Variants in KCNMB3 observed in about 807,000 individuals in gnomAD.
KCNMB3 encodes calcium-activated potassium channel subunit beta-3.
A neutral mutation model predicts 11.9 loss-of-function variants in KCNMB3; 18 were observed. That is an observed-to-expected ratio of 1.51 (90% CI 1.04 to 2.23). The LOEUF (loss-of-function observed/expected upper bound fraction) is 2.23, where lower values mean the gene tolerates loss of function less well. Among genes scored for constraint, KCNMB3 ranks in the 30% most tolerant of loss-of-function variants. KCNMB3 has a pLI of 0.00. For missense variants in KCNMB3, 247 were observed against 329.4 expected, an observed-to-expected ratio of 0.75 and a Z score of 1.94; for synonymous variants, 78 against 119.2, an observed-to-expected ratio of 0.65 and a Z score of 2.25.
chr3:179,248,229 T>TATAAAATG (rs1224346812), intron 1 of KCNMB3, among the ~76,000 whole-genome samples: 2 of 152,218 alleles, frequency 1.3e-5, no homozygotes, highest in Non-Finnish European at 2.9e-5. Context: ...CTTTCTCATT[T>TATAAAATG]ATAAAATGAA....
upstream of KCNMB3, among the ~76,000 whole-genome samples, chr3:179,253,200 T>A (rs537411081): frequency 6.6e-6 from 1 of 152,196 alleles, no homozygotes; most frequent in African/African-American, 2.4e-5. Flanking sequence ...CAGAGGTTTA[T>A]TGTAAGATAT....
chr3:179,260,127 G>A (rs567685961), intron 1 of KCNMB3: 3 of 1,606,358 alleles, frequency 1.9e-6, no homozygotes, highest in Admixed American at 3.3e-5. Context: ...AGGACATGAG[G>A]CCACTGTGTC....
chr3:179,258,987 T>C (rs755968828), intron 1 of KCNMB3: 4 of 1,614,038 alleles, frequency 2.5e-6, no homozygotes, highest in Non-Finnish European at 3.4e-6. Flanking sequence ...CACTCAGACT[T>C]CCTGTGCACC....
intron 1 of KCNMB3, chr3:179,260,982 C>G (rs1298832533): frequency 7.1e-6 from 7 of 990,958 alleles, no homozygotes; most frequent in Non-Finnish European, 1.1e-5. Flanking sequence ...ATGGACGCCT[C>G]GGTGTCGATG....
chr3:179,239,717 C>G (rs1223577666), downstream of KCNMB3: 1 of 354,620 alleles, frequency 2.8e-6, no homozygotes, highest in African/African-American at 2.1e-5. Flanking sequence ...CACCTGGAAG[C>G]TTTATCAAGA....
intron 2 of KCNMB3, among the ~76,000 whole-genome samples, chr3:179,244,127 C>A (rs1725555552): frequency 1.3e-5 from 2 of 152,128 alleles, no homozygotes; most frequent in South Asian, 4.2e-4. Flanking sequence ...TAAAAATAAT[C>A]TTTACATTTA....
upstream of KCNMB3, among the ~76,000 whole-genome samples, chr3:179,254,496 C>T (rs1434064920): frequency 1.3e-5 from 2 of 152,188 alleles, no homozygotes; most frequent in Non-Finnish European, 2.9e-5. Context: ...TGTAGGCACA[C>T]ACATTTAACT....
At chr3:179,259,859 C>T (rs1576963507) in intron 1 of KCNMB3, 4 of 1,612,956 alleles carry the variant, frequency 2.5e-6, no homozygotes, top group Non-Finnish European at 3.4e-6. Flanking sequence ...CCTCCTGACC[C>T]TTGCTCTCAG....
intron 1 of KCNMB3, among the ~76,000 whole-genome samples, chr3:179,261,462 G>A (rs1431338502): frequency 6.6e-6 from 1 of 151,934 alleles, no homozygotes; most frequent in African/African-American, 2.4e-5. Context: ...GACTGGGCTC[G>A]GGCGCAGCCG....
intron 1 of KCNMB3, chr3:179,261,023 G>T: frequency 2.0e-6 from 2 of 986,356 alleles, no homozygotes; most frequent in Non-Finnish European, 3.3e-6. Context: ...GCCTCTCTGA[G>T]AGGAAGTCCC....
chr3:179,240,837 A>C (rs1254923781), downstream of KCNMB3: 1 of 152,250 alleles, frequency 6.6e-6, no homozygotes, highest in Non-Finnish European at 1.5e-5. Flanking sequence ...TCAAATTTAC[A>C]AAAACGGAAT....
intron 1 of KCNMB3, chr3:179,259,103 C>T (rs1560160650): frequency 1.6e-5 from 26 of 1,592,602 alleles, no homozygotes; most frequent in Non-Finnish European, 2.0e-5. Context: ...TGAAGTCCCC[C>T]GGCTCTCCTC....
At chr3:179,244,042 C>T (rs1725552377) in intron 2 of KCNMB3, among the ~76,000 whole-genome samples, 1 of 152,112 alleles carries the variant, frequency 6.6e-6, no homozygotes, top group Non-Finnish European at 1.5e-5. Context: ...AATTTTAAAT[C>T]ATATGAAAGA....
chr3:179,242,778 C>T lies in KCNMB3; in HGVS notation c.*126G>A. On this transcript the variant is annotated 3_prime_UTR_variant, in exon 3 of 3. Coordinates refer to ENST00000392685, the MANE Select transcript of KCNMB3 (RefSeq NM_171830.2). ...CAAAATGAGGCTTTTAAATTTTTTCCCACATGAAAATATGATACTTTAATT... is the reference window on the plus strand; with the variant it reads ...CAAAATGAGGCTTTTAAATTTTTTCTCACATGAAAATATGATACTTTAATT... 2.9e-6 allele frequency: 4 copies of T among 1,366,250 alleles called. No homozygotes were observed. The highest frequency in any genetic ancestry group is 2.9e-6 in the Non-Finnish European group (3 of 1,041,048). The allele number at this position is 1,366,250 out of a possible 1,614,324, so 84.6% of individuals were successfully genotyped here. A position where few individuals can be genotyped will look rare whatever the true frequency, so the allele number is the denominator to read the frequency against.
At chr3:179,266,775 G>T in exon 1 of KCNMB3, 1 of 1,599,568 alleles carries the variant, frequency 6.3e-7, no homozygotes, top group Non-Finnish European at 8.5e-7. Context: ...GCGCAAGAAA[G>T]GTGAAGCTTA....
chr3:179,253,762 T>C (rs2909227), upstream of KCNMB3, among the ~76,000 whole-genome samples: 64,969 of 151,728 alleles, frequency 0.43, 15,257 homozygotes, highest in East Asian at 0.81. Flanking sequence ...GCCAAGATCA[T>C]GCCACTGCAC....
At chr3:179,260,344 A>AGG (rs1421253556) in intron 1 of KCNMB3, 1 of 1,613,856 alleles carries the variant, frequency 6.2e-7, no homozygotes, top group African/African-American at 1.3e-5. Flanking sequence ...TGTTCCTCAT[A>AGG]GGTAGCACCT....
intron 1 of KCNMB3, among the ~76,000 whole-genome samples, chr3:179,262,507 G>C (rs1021785396): frequency 2.0e-5 from 3 of 152,208 alleles, no homozygotes; most frequent in Non-Finnish European, 4.4e-5. Flanking sequence ...GCAGTACCAA[G>C]ATTTATTGCA....
intron 1 of KCNMB3, chr3:179,260,973 T>A: frequency 2.9e-6 from 3 of 1,017,466 alleles, no homozygotes; most frequent in Non-Finnish European, 4.6e-6. Flanking sequence ...ATTTCCCTGA[T>A]GGACGCCTCG....
Sources: allele counts gnomAD v4.1 joint callset (sites outside exome capture counted in the v4.1 genomes callset), GRCh38; gene constraint gnomAD v4.1.1; transcripts MANE v1.5; gene names NCBI Gene and HGNC (gene_info 2026-07-23, HGNC 2026-07-21).